Variants in GREP1 observed in about 807,000 individuals in gnomAD.
The protein encoded by GREP1 is glycine-rich extracellular protein 1.
intron 21 of GREP1, 65 bp downstream of exon 20, chr16:2,997,150 C>G: frequency 2.5e-6 from 1 of 399,114 alleles, no homozygotes; most frequent in South Asian, 1.3e-4. Context: ...TCATTCATAC[C>G]CCACCTCAGC....
At chr16:3,000,602 C>T in exon 32 of GREP1, 1 of 398,872 alleles carries the variant, frequency 2.5e-6, no homozygotes, top group Non-Finnish European at 4.4e-6. Flanking sequence ...GCTCTAGCCC[C>T]TGAAGGAAAT....
exon 34 of GREP1, chr16:3,001,329 A>G: frequency 2.5e-6 from 1 of 399,182 alleles, no homozygotes; most frequent in East Asian, 3.6e-5. Context: ...GGGAATGGCT[A>G]CGGAGGTGAG....
At position 2,990,979 on chromosome 16, in the gene GREP1, C is replaced by T. The variant is rs1411631901; in HGVS notation, c.269-69C>T. ...CACCTGTCCCAGTGTCCACTTCCCA[C>T]CCTCTGTCTCTGTCTCTGCTTGACG... On this transcript the variant is annotated intron_variant, in intron 7 of 34. Coordinates refer to ENST00000573315, the Ensembl canonical transcript of GREP1. 7.5e-6 allele frequency: 3 copies of T among 399,100 alleles called. No individual in the cohort carries two copies. The East Asian group carries it at 1.1e-4, about 14-fold the overall frequency. The allele number at this position is 399,100 out of a possible 1,614,324, so 24.7% of individuals were successfully genotyped here.
At chr16:2,990,704 T>C in intron 7 of GREP1, 117 bp downstream of exon 6, 1 of 398,330 alleles carries the variant, frequency 2.5e-6, no homozygotes, top group Non-Finnish European at 4.4e-6. Context: ...TTCTCCAGGC[T>C]CCCAGGCCTC....
chr16:2,997,343 C>T lies in GREP1; in HGVS notation c.887-46C>T, dbSNP rs184693572. 30 of 398,622 alleles carry T rather than the reference C, an allele frequency of 7.5e-5. No individual in the cohort carries two copies. The East Asian group carries it at 9.6e-4, about 13-fold the overall frequency. 24.7% of individuals were successfully genotyped at this position (398,622 alleles called of 1,614,324 possible). A position where few individuals can be genotyped will look rare whatever the true frequency, so the allele number is the denominator to read the frequency against. On this transcript the variant is annotated intron_variant, in intron 21 of 34. Coordinates refer to ENST00000573315, the Ensembl canonical transcript of GREP1. ...GGATCCAAAGGCCCTTCGCCCTCTC[C>T]TTAGCTAGAATCCCAAACCCCCTGC...
chr16:3,001,156 C>G (rs1179449442), intron 33 of GREP1, 125 bp from the exon 28 acceptor site: 2 of 398,400 alleles, frequency 5.0e-6, no homozygotes, highest in African/African-American at 4.1e-5. Flanking sequence ...CTCTGAGAAA[C>G]TGAGGCAGAG....
chr16:3,000,795 G>C (rs539880055), exon 33 of GREP1: 54 of 399,160 alleles, frequency 1.4e-4, no homozygotes, highest in African/African-American at 9.0e-4. Flanking sequence ...TATCAGGCTG[G>C]AGATGAATAT....
At chr16:2,997,498 A>G in intron 22 of GREP1, 1 of 398,056 alleles carries the variant, frequency 2.5e-6, no homozygotes. Flanking sequence ...CCCTGTACTG[A>G]GGGTTTTCTT....
chr16:2,997,852 C>T lies in GREP1; in HGVS notation c.949+17C>T. 2.5e-6 allele frequency: 1 copy of T among 398,658 alleles called. No homozygotes were observed. The allele number at this position is 398,658 out of a possible 1,614,324, so 24.7% of individuals were successfully genotyped here. A position where few individuals can be genotyped will look rare whatever the true frequency, so the allele number is the denominator to read the frequency against. Reference sequence around the variant, plus strand: ...AGAAGCCAGGTAAGCCCTTCCCACTCCTCACTCTCCCTACCTGCAGAAACT... The same window carrying T: ...AGAAGCCAGGTAAGCCCTTCCCACTTCTCACTCTCCCTACCTGCAGAAACT... On this transcript the variant is annotated intron_variant, in intron 23 of 34. Coordinates refer to ENST00000573315, the Ensembl canonical transcript of GREP1.
Position 2,991,431 on chromosome 16 carries a change from C to G in GREP1, c.322+330C>G. ...TGGCACTCTTCCAGGGGCAGGAACC[C>G]CACCAGGTGAGGGTGGCTGGGCAGG... On this transcript the variant is annotated intron_variant, in intron 8 of 34. Transcript: ENST00000573315. This position sits in a 1 kb window ranked among gnomAD's most constrained non-coding sequence, Gnocchi z 4.9. 1 of 261,054 alleles carries G rather than the reference C, an allele frequency of 3.8e-6. No homozygotes were observed. The highest frequency in any genetic ancestry group is 5.4e-5 in the Admixed American group (1 of 18,416). 16.2% of individuals were successfully genotyped at this position (261,054 alleles called of 1,614,324 possible).
intron 10 of GREP1, chr16:2,994,474 T>C (rs1050843838): frequency 3.3e-5 from 12 of 363,070 alleles, no homozygotes; most frequent in African/African-American, 2.1e-4. Flanking sequence ...ACGCCATTGC[T>C]CTCCAGCCTG....
rs1165642436 is a variant in GREP1 at position 2,992,538 on chromosome 16, C to T, written c.323-267C>T. The stretch of plus-strand genomic sequence containing the variant: ...GGGCTCTTGGGGGTTCATTCATTCA[C>T]CCAATCTCCCCTGAGCACCCGTCCC... On this transcript the variant is annotated intron_variant, in intron 8 of 34. Coordinates refer to ENST00000573315, the Ensembl canonical transcript of GREP1. This position sits in a 1 kb window ranked among gnomAD's most constrained non-coding sequence, Gnocchi z 4.9. The T allele has an allele frequency of 2.2e-5, 7 of 322,718 alleles. No individual in the cohort carries two copies. The highest frequency in any genetic ancestry group is 1.6e-4 in the South Asian group (1 of 6,380). 20.0% of individuals were successfully genotyped at this position (322,718 alleles called of 1,614,324 possible).
chr16:2,995,906 G>C (rs1262139167), exon 18 of GREP1: 1 of 397,878 alleles, frequency 2.5e-6, no homozygotes, highest in African/African-American at 2.1e-5. Context: ...CTGGAACCCA[G>C]CCAGGTGAGG....
intron 27 of GREP1, chr16:2,999,315 G>T (rs1159482286): frequency 5.0e-6 from 2 of 398,560 alleles, no homozygotes; most frequent in Non-Finnish European, 8.8e-6. Flanking sequence ...GAGTCTGTCT[G>T]CCCCCAGGCC....
intron 23 of GREP1, among the ~76,000 whole-genome samples, chr16:2,998,133 A>G (rs907762723): frequency 1.3e-5 from 2 of 151,826 alleles, no homozygotes; most frequent in African/African-American, 2.4e-5. Context: ...GAAACCTCCA[A>G]AGCCGAGTTG....
chr16:2,996,577 G>A (rs1467008329), intron 19 of GREP1, 46 bp downstream of exon 18: 2 of 399,300 alleles, frequency 5.0e-6, no homozygotes, highest in Non-Finnish European at 8.8e-6. Context: ...GAGGTGGGAC[G>A]GGAAGAGAGA....
rs149237586 is a variant in GREP1, at chr16:2,993,134, C to A, written c.385+171C>A. ...GAGCTGGAACCCAGGCAGGTAAGGCCCTGGAGTTCTGGGAGCATGGAGGTC... is the reference window on the plus strand; with the variant it reads ...GAGCTGGAACCCAGGCAGGTAAGGCACTGGAGTTCTGGGAGCATGGAGGTC... On this transcript the variant is annotated intron_variant, in intron 10 of 34. Transcript: ENST00000573315. 6.0e-4 allele frequency: 234 copies of A among 392,012 alleles called. 1 individual carries two copies. Among genetic ancestry groups the A allele is most frequent in the African/African-American group, 4.2e-3 (202 of 48,594 alleles). The allele number at this position is 392,012 out of a possible 1,614,324, so 24.3% of individuals were successfully genotyped here. A position where few individuals can be genotyped will look rare whatever the true frequency, so the allele number is the denominator to read the frequency against.
At chr16:3,000,539 CAG>C (rs1264319455) in intron 31 of GREP1, 173 bp from the exon 27 acceptor site, 12 of 399,128 alleles carry the variant, frequency 3.0e-5, no homozygotes, top group African/African-American at 2.1e-4. Flanking sequence ...CGGGAATGAC[CAG>C]AGTCTCTTGG....
At position 2,994,838 on chromosome 16, in the gene GREP1, G is replaced by T. The variant is rs1390349147; in HGVS notation, c.448G>T (p.Gly150Ter). 6 of 399,140 alleles carry T rather than the reference G, an allele frequency of 1.5e-5. No homozygotes were observed. Among genetic ancestry groups the T allele is most frequent in the African/African-American group, 8.2e-5 (4 of 48,642 alleles). 24.7% of individuals were successfully genotyped at this position (399,140 alleles called of 1,614,324 possible). A position where few individuals can be genotyped will look rare whatever the true frequency, so the allele number is the denominator to read the frequency against. Residue 150 changes from glycine (G) to a stop codon, truncating the protein, a stop_gained and splice_region_variant, in exon 12 of 35, where the codon GGA becomes TGA. Coordinates refer to ENST00000573315, the Ensembl canonical transcript of GREP1. LOFTEE classifies it high-confidence loss of function. ...GGGGGCCGTCAAACCCCAGAAGCCA[G>T]GTGAGCCCTGCCCCGGCCTGTCCCT...
Sources: allele counts gnomAD v4.1 joint callset (sites outside exome capture counted in the v4.1 genomes callset), GRCh38; gene constraint gnomAD v4.1.1; non-coding constraint Gnocchi (gnomAD v3.1); transcripts MANE v1.5; gene names NCBI Gene and HGNC (gene_info 2026-07-23, HGNC 2026-07-21).